Variants in RTN4RL1 observed in about 807,000 individuals in gnomAD.
RTN4RL1 encodes reticulon 4 receptor like 1.
In RTN4RL1, 7 loss-of-function variants were observed where a neutral mutation model predicts 25.6. The ratio of observed to expected loss-of-function variants is 0.27; its 90% CI spans 0.16 to 0.51. The LOEUF (loss-of-function observed/expected upper bound fraction) is 0.51, where lower values mean the gene tolerates loss of function less well. Among genes scored for constraint, RTN4RL1 ranks in the 20% least tolerant of loss-of-function variants. RTN4RL1 has a pLI of 0.97. For synonymous variants in RTN4RL1, 297 were observed against 288.2 expected (o/e 1.03, Z -0.31); for missense variants, 500 against 615.6 (o/e 0.81, Z 1.99).
intron 1 of RTN4RL1, among the ~76,000 whole-genome samples, chr17:2,021,964 TCCTC>T (rs1597262155): frequency 6.7e-6 from 1 of 148,406 alleles, no homozygotes; most frequent in East Asian, 2.1e-4. Context: ...ACTCAAGTGA[TCCTC>T]CCACCTCAGC....
intron 1 of RTN4RL1, among the ~76,000 whole-genome samples, chr17:1,939,707 C>T (rs1915401442): frequency 6.6e-6 from 1 of 152,214 alleles, no homozygotes; most frequent in South Asian, 2.1e-4. Context: ...ATAATAGCCC[C>T]GTGCTCATTA....
At chr17:1,947,871 C>A (rs1259428688) in intron 1 of RTN4RL1, among the ~76,000 whole-genome samples, 1 of 152,242 alleles carries the variant, frequency 6.6e-6, no homozygotes, top group Non-Finnish European at 1.5e-5. Flanking sequence ...GGGACAGGCG[C>A]TCAGTCCTGA....
intron 1 of RTN4RL1, among the ~76,000 whole-genome samples, chr17:1,939,263 G>A (rs1225479688): frequency 1.3e-5 from 2 of 151,886 alleles, no homozygotes; most frequent in Non-Finnish European, 2.9e-5. Context: ...TGAGGCAGGA[G>A]AATAGCGTGA....
At chr17:1,950,086 G>A (rs923373950) in intron 1 of RTN4RL1, among the ~76,000 whole-genome samples, 2 of 152,222 alleles carry the variant, frequency 1.3e-5, no homozygotes, top group African/African-American at 4.8e-5. Flanking sequence ...GTGATGAGAA[G>A]TCACTGAAGA....
At chr17:2,011,866 AT>A (rs2067053928) in intron 1 of RTN4RL1, among the ~76,000 whole-genome samples, 1 of 152,110 alleles carries the variant, frequency 6.6e-6, no homozygotes, top group East Asian at 1.9e-4. Flanking sequence ...TGGCTGGTGC[AT>A]TCTCTTGAGC....
chr17:1,962,840 C>CGGCA (rs1210412331), intron 1 of RTN4RL1, among the ~76,000 whole-genome samples: 3 of 119,842 alleles, frequency 2.5e-5, no homozygotes, highest in Non-Finnish European at 4.9e-5. Context: ...CCAGCCTGGG[C>CGGCA]GGCAGAGGGA....
chr17:2,013,754 G>C, intron 1 of RTN4RL1, among the ~76,000 whole-genome samples: 1 of 114,038 alleles, frequency 8.8e-6, no homozygotes, highest in South Asian at 3.6e-4. Context: ...CCTCACCCTG[G>C]AACATAAATA....
intron 1 of RTN4RL1, among the ~76,000 whole-genome samples, chr17:1,962,443 C>T (rs1272482064): frequency 6.9e-6 from 1 of 144,872 alleles, no homozygotes; most frequent in Non-Finnish European, 1.6e-5. Context: ...CTGCAACCTC[C>T]GTCTCCCGGG....
chr17:1,982,066 G>A (rs964062198), intron 1 of RTN4RL1, among the ~76,000 whole-genome samples: 2 of 152,172 alleles, frequency 1.3e-5, no homozygotes, highest in Admixed American at 6.5e-5. Context: ...TTGGGAGGCC[G>A]AGGCGGGTGG....
At chr17:2,002,249 CTCCTT>C (rs534656283) in intron 1 of RTN4RL1, among the ~76,000 whole-genome samples, 1,630 of 151,124 alleles carry the variant, frequency 0.011, 15 homozygotes, top group Non-Finnish European at 0.018. Context: ...CCCTCCCTCC[CTCCTT>C]TCTTTTTTCT....
chr17:1,997,565 C>G (rs2066934798), intron 1 of RTN4RL1, among the ~76,000 whole-genome samples: 1 of 152,234 alleles, frequency 6.6e-6, no homozygotes, highest in Admixed American at 6.5e-5. Context: ...AATCATAAAC[C>G]ACTGCATGAA....
intron 1 of RTN4RL1, among the ~76,000 whole-genome samples, chr17:1,991,472 A>C (rs964725364): frequency 1.5e-4 from 23 of 149,674 alleles, no homozygotes; most frequent in African/African-American, 5.4e-4. Context: ...AACAAAAAAA[A>C]ACTTCAAAGA....
intron 1 of RTN4RL1, among the ~76,000 whole-genome samples, chr17:1,954,606 T>C (rs2151308211): frequency 6.6e-6 from 1 of 152,222 alleles, no homozygotes; most frequent in Non-Finnish European, 1.5e-5. Context: ...CAGGCTGGTC[T>C]CGAACTCCTG....
intron 1 of RTN4RL1, among the ~76,000 whole-genome samples, chr17:1,949,763 C>G (rs531428890): frequency 6.6e-6 from 1 of 152,282 alleles, no homozygotes; most frequent in South Asian, 2.1e-4. Context: ...CCAGATAAGC[C>G]CCAAATGACG....
chr17:1,983,678 T>C (rs1026759401), intron 1 of RTN4RL1, among the ~76,000 whole-genome samples: 10 of 151,484 alleles, frequency 6.6e-5, no homozygotes, highest in African/African-American at 2.4e-4. Flanking sequence ...GCTAAGACCA[T>C]AGGCAGGCAC....
At chr17:1,947,350 C>A (rs565139349) in intron 1 of RTN4RL1, among the ~76,000 whole-genome samples, 1 of 152,330 alleles carries the variant, frequency 6.6e-6, no homozygotes, top group South Asian at 2.1e-4. Context: ...TGTCTCGGGA[C>A]TGTGGATAGG....
chr17:2,002,516 T>A (rs1009725089), intron 1 of RTN4RL1, among the ~76,000 whole-genome samples: 4 of 151,410 alleles, frequency 2.6e-5, no homozygotes, highest in Non-Finnish European at 4.4e-5. Flanking sequence ...ATGGTCTCAA[T>A]CTCCTGACCT....
In RTN4RL1 at chr17:2,024,947, T is replaced by G; in HGVS notation, c.-82A>C. The G allele has an allele frequency of 6.9e-7, 1 of 1,448,970 alleles. No individual in the cohort carries two copies. The highest frequency in any genetic ancestry group is 9.4e-7 in the Non-Finnish European group (1 of 1,065,890). The allele number at this position is 1,448,970 out of a possible 1,614,324, so 89.8% of individuals were successfully genotyped here. ...CAGATTCAAATCCCTGGGCGCCAGC[T>G]GCAGCTAATCCGAGCGCGTCGAGGC... On this transcript the variant is annotated 5_prime_UTR_variant, in exon 1 of 2. Transcript: ENST00000331238.
rs1915285048 is a variant in RTN4RL1, at chr17:1,935,719, A to AT, written c.*776dup. On this transcript the variant is annotated 3_prime_UTR_variant, in exon 2 of 2. Coordinates refer to ENST00000331238, the MANE Select transcript of RTN4RL1 (RefSeq NM_178568.4). ...GGGGACTGTGCATTTGTGTATATAT[A>AT]TATATATATATATATATATATATAT... 2 of 130,864 alleles carry AT rather than the reference A, an allele frequency of 1.5e-5. No individual in the cohort carries two copies. The highest frequency in any genetic ancestry group is 2.8e-5 in the Non-Finnish European group (2 of 71,060). 8.1% of individuals were successfully genotyped at this position (130,864 alleles called of 1,614,324 possible).
Sources: allele counts gnomAD v4.1 joint callset (sites outside exome capture counted in the v4.1 genomes callset), GRCh38; gene constraint gnomAD v4.1.1; transcripts MANE v1.5; gene names NCBI Gene and HGNC (gene_info 2026-07-23, HGNC 2026-07-21).